Variants in GLCCI1 observed in about 807,000 individuals in gnomAD.
The protein encoded by GLCCI1 is glucocorticoid-induced transcript 1 protein.
A neutral mutation model predicts 52.2 loss-of-function variants in GLCCI1; 24 were observed. The ratio of observed to expected loss-of-function variants is 0.46; its 90% CI spans 0.33 to 0.65. The LOEUF (loss-of-function observed/expected upper bound fraction) is 0.65, where lower values mean the gene tolerates loss of function less well. GLCCI1 is among the 30% of genes least tolerant of loss of function. The pLI, the probability that GLCCI1 is intolerant of heterozygous loss-of-function variation, is 0.02. For missense variants in GLCCI1, 704 were observed against 701.5 expected, an observed-to-expected ratio of 1.00 and a Z score of -0.04; for synonymous variants, 310 against 276.5, an observed-to-expected ratio of 1.12 and a Z score of -1.20.
intron 1 of GLCCI1, among the ~76,000 whole-genome samples, chr7:7,989,449 G>A (rs1780798028): frequency 6.6e-6 from 1 of 152,108 alleles, no homozygotes; most frequent in South Asian, 2.1e-4. Context: ...GAGGAAAATA[G>A]AATGACAATT....
intron 1 of GLCCI1, chr7:7,981,807 G>T (rs1268564266): frequency 2.4e-6 from 1 of 414,542 alleles, no homozygotes; most frequent in Non-Finnish European, 4.8e-6. Flanking sequence ...ATTTGGTTCT[G>T]AAAGATAAAG....
intron 1 of GLCCI1, among the ~76,000 whole-genome samples, chr7:7,973,766 A>T (rs1052174282): frequency 6.6e-6 from 1 of 152,114 alleles, no homozygotes; most frequent in African/African-American, 2.4e-5. Context: ...ATTCTAAAAG[A>T]TAATGCAAAT....
In GLCCI1 at chr7:7,969,390, C is replaced by G; in HGVS notation, c.40C>G (p.Gln14Glu). Residue 14 changes from glutamine to glutamate, a missense_variant, in exon 1 of 8, where the codon CAG becomes GAG. This residue lies in a region of GLCCI1 where 547 missense variants were observed against 524.8 expected (regional missense o/e 1.04). Transcript: ENST00000223145. The surrounding 1 kb of genome is among the most constrained non-coding windows in gnomAD (Gnocchi z 4.9). Reference protein sequence around the residue: ...ASSSSSSSSSQTPHPPSQRMR... With the variant: ...ASSSSSSSSSETPHPPSQRMR... ...CTCCTCCTCCTCCTCCAGTTCCTCT[C>G]AGACCCCTCATCCCCCGTCGCAGAG... 1 of 1,460,534 alleles carries G rather than the reference C, an allele frequency of 6.8e-7. No individual in the cohort carries two copies. The highest frequency in any genetic ancestry group is 9.0e-7 in the Non-Finnish European group (1 of 1,105,802). 90.5% of individuals were successfully genotyped at this position (1,460,534 alleles called of 1,614,324 possible). A position where few individuals can be genotyped will look rare whatever the true frequency, so the allele number is the denominator to read the frequency against.
At chr7:8,052,073 C>A (rs1782270287) in intron 3 of GLCCI1, among the ~76,000 whole-genome samples, 1 of 152,132 alleles carries the variant, frequency 6.6e-6, no homozygotes, top group South Asian at 2.1e-4. Context: ...GATAAAAGCA[C>A]CCCCTCTTAA....
intron 7 of GLCCI1, among the ~76,000 whole-genome samples, chr7:8,085,307 T>C (rs1783081369): frequency 6.6e-6 from 1 of 152,214 alleles, no homozygotes; most frequent in Non-Finnish European, 1.5e-5. Context: ...TTAGTTTAGA[T>C]GGTAACAAAG....
chr7:8,084,925 G>C lies in GLCCI1; in HGVS notation c.1206G>C (p.Lys402Asn). The change falls in exon 7 of 8, where the codon AAG becomes AAC. Residue 402 changes from lysine (K) to asparagine (N), a missense_variant. Transcript: ENST00000223145. ...GTGGGAGTAGCTCACCGTTACCCAA[G>C]TATGCTTCATCTCCCAAACCAAACA... Reference protein sequence around the residue: ...KDSGSSSPLPKYASSPKPNNS... With the variant: ...KDSGSSSPLPNYASSPKPNNS... 1 of 1,614,114 alleles carries C rather than the reference G, an allele frequency of 6.2e-7. No individual in the cohort carries two copies.
chr7:8,006,301 A>C (rs925897296), intron 2 of GLCCI1, among the ~76,000 whole-genome samples: 1 of 152,208 alleles, frequency 6.6e-6, no homozygotes, highest in Non-Finnish European at 1.5e-5. Context: ...TAGGGATCAG[A>C]GGCACATTGT....
chr7:8,035,092 C>T (rs1187431628), intron 3 of GLCCI1, among the ~76,000 whole-genome samples: 1 of 152,198 alleles, frequency 6.6e-6, no homozygotes, highest in East Asian at 1.9e-4. Flanking sequence ...TTCCCTGGCA[C>T]TCACTCAGAT....
chr7:8,056,530 A>G (rs1405775149), intron 4 of GLCCI1, among the ~76,000 whole-genome samples: 1 of 152,244 alleles, frequency 6.6e-6, no homozygotes, highest in Non-Finnish European at 1.5e-5. Context: ...CCCTAGAAGT[A>G]AATACTAACA....
intron 1 of GLCCI1, among the ~76,000 whole-genome samples, chr7:7,997,784 C>G (rs977475952): frequency 1.3e-5 from 2 of 151,860 alleles, no homozygotes; most frequent in African/African-American, 4.8e-5. Flanking sequence ...AAAAATTAGC[C>G]AGACATGTTG....
At position 8,086,417 on chromosome 7, in the gene GLCCI1, A is replaced by G. The variant is rs1562455883; in HGVS notation, c.1523A>G (p.Asp508Gly). The G allele has an allele frequency of 3.1e-6, 5 of 1,613,990 alleles. No homozygotes were observed. The highest frequency in any genetic ancestry group is 4.2e-6 in the Non-Finnish European group (5 of 1,180,004). ...SSRVSFTSLS[D>G]DTSTAGSMEA... is the part of the protein sequence containing the mutation. The stretch of plus-strand genomic sequence containing the variant: ...CGGGTTTCCTTTACGTCTCTTTCTG[A>G]TGACACCAGCACAGCGGGCTCCATG... Residue 508 changes from aspartate to glycine, a missense_variant, in exon 8 of 8, where the codon GAT (aspartate) becomes GGT (glycine). Asp to Gly is a moderately conservative substitution (Grantham distance 94). Around this residue, in one of 3 missense-constraint regions of GLCCI1, gnomAD observed 149 missense variants for 152.9 expected, o/e 0.97. Transcript: ENST00000223145. This position sits in a 1 kb window ranked among gnomAD's most constrained non-coding sequence, Gnocchi z 4.4.
At chr7:7,996,154 AT>A (rs1389539984) in intron 1 of GLCCI1, among the ~76,000 whole-genome samples, 1 of 152,186 alleles carries the variant, frequency 6.6e-6, no homozygotes, top group Non-Finnish European at 1.5e-5. Context: ...TGCTTACAAT[AT>A]GACTTTCCAC....
At chr7:8,007,044 C>A (rs918158681) in intron 2 of GLCCI1, among the ~76,000 whole-genome samples, 3 of 152,140 alleles carry the variant, frequency 2.0e-5, no homozygotes, top group African/African-American at 7.2e-5. Flanking sequence ...TCATAACGTC[C>A]ATGCTCTTTG....
chr7:8,080,920 C>T (rs1399278210), intron 6 of GLCCI1, among the ~76,000 whole-genome samples: 3 of 151,070 alleles, frequency 2.0e-5, no homozygotes, highest in Non-Finnish European at 3.0e-5. Flanking sequence ...GTGATCCTCC[C>T]GCCTCAGCCT....
At chr7:8,053,767 T>C (rs1459500874) in intron 3 of GLCCI1, among the ~76,000 whole-genome samples, 1 of 152,190 alleles carries the variant, frequency 6.6e-6, no homozygotes, top group Non-Finnish European at 1.5e-5. Context: ...AAAGATGGAC[T>C]TTTACCCTAA....
chr7:8,078,475 G>C (rs1410913714), intron 6 of GLCCI1: 4 of 152,026 alleles, frequency 2.6e-5, no homozygotes, highest in African/African-American at 7.2e-5. Context: ...CCTAATAAAA[G>C]TTTATATATT....
intron 1 of GLCCI1, among the ~76,000 whole-genome samples, chr7:7,986,881 T>TGGAA (rs973458511): frequency 6.6e-6 from 1 of 152,206 alleles, no homozygotes; most frequent in Non-Finnish European, 1.5e-5. Context: ...CCCATCCTTC[T>TGGAA]GGTCACTATA....
chr7:8,050,963 A>G (rs147454533), intron 3 of GLCCI1, among the ~76,000 whole-genome samples: 190 of 152,342 alleles, frequency 1.2e-3, no homozygotes, highest in Non-Finnish European at 2.4e-3. Context: ...GCCTTCTACA[A>G]TGCTAGTACT....
intron 1 of GLCCI1, among the ~76,000 whole-genome samples, chr7:7,991,591 T>G (rs576954345): frequency 6.6e-6 from 1 of 152,140 alleles, no homozygotes; most frequent in Non-Finnish European, 1.5e-5. Context: ...TTTACTGACA[T>G]GTCCAGTAGT....
Sources: gnomAD v4.1 joint callset for allele counts (sites outside exome capture counted in the v4.1 genomes callset) on GRCh38, gnomAD v4.1.1 for gene constraint, gnomAD v4.1.1 regional missense constraint, Gnocchi (gnomAD v3.1) non-coding constraint, MANE v1.5 for transcripts, NCBI Gene and HGNC (gene_info 2026-07-23, HGNC 2026-07-21) for gene names.